Variants in ITGA8 observed in about 807,000 individuals in gnomAD.
ITGA8 encodes the protein integrin alpha-8.
In ITGA8, 91 loss-of-function variants were observed where a neutral mutation model predicts 142.3. That is an observed-to-expected ratio of 0.64 (90% CI 0.54 to 0.76). The LOEUF is 0.76. Ranked by LOEUF, ITGA8 falls within the 30% of genes least tolerant of loss-of-function variation. The pLI is 0.00. For missense variants in ITGA8, 1,406 were observed against 1,327.7 expected, an observed-to-expected ratio of 1.06 and a Z score of -0.92; for synonymous variants, 505 against 485.2, an observed-to-expected ratio of 1.04 and a Z score of -0.54.
chr10:15,709,051 TAAC>T (rs1474563789), intron 2 of ITGA8, among the ~76,000 whole-genome samples: 3 of 152,220 alleles, frequency 2.0e-5, no homozygotes, highest in Non-Finnish European at 4.4e-5. Context: ...TAATGAATGT[TAAC>T]AAAGGCCCCA....
In ITGA8 at chr10:15,671,592, G is replaced by T; in HGVS notation, c.847+11C>A. 1 of 1,608,168 alleles carries T rather than the reference G, an allele frequency of 6.2e-7. No homozygotes were observed. Among genetic ancestry groups the T allele is most frequent in the Non-Finnish European group, 8.5e-7 (1 of 1,174,806 alleles). On this transcript the variant is annotated intron_variant, in intron 8 of 29. Coordinates refer to ENST00000378076, the MANE Select transcript of ITGA8 (RefSeq NM_003638.3). ...CTTTATAAGTGATTTAAACTCAACA[G>T]TGCCTCTCACCTTGCTGAGAATCCC...
At chr10:15,624,252 T>C (rs536636681) in intron 13 of ITGA8, among the ~76,000 whole-genome samples, 31 of 152,278 alleles carry the variant, frequency 2.0e-4, no homozygotes, top group Non-Finnish European at 4.0e-4. Flanking sequence ...AGGTGCAAAA[T>C]TACCAAGTGG....
chr10:15,558,367 C>G (rs1226034148), intron 25 of ITGA8, among the ~76,000 whole-genome samples, 165 bp from the exon 26 acceptor site: 2 of 152,170 alleles, frequency 1.3e-5, no homozygotes, highest in Non-Finnish European at 1.5e-5. Flanking sequence ...ACATGACCTG[C>G]ACGCACAAGG....
At chr10:15,603,734 A>C (rs1382635056) in intron 20 of ITGA8, among the ~76,000 whole-genome samples, 1 of 152,204 alleles carries the variant, frequency 6.6e-6, no homozygotes, top group Non-Finnish European at 1.5e-5. Context: ...AAGAAAGGGA[A>C]AGGACCTTGT....
Position 15,718,866 on chromosome 10 carries a change from G to T in ITGA8, c.243C>A (p.Asn81Lys). The T allele has an allele frequency of 1.2e-6, 2 of 1,614,118 alleles. No individual in the cohort carries two copies. Among genetic ancestry groups the T allele is most frequent in the Non-Finnish European group, 1.7e-6 (2 of 1,180,020 alleles). ...ASVLVGAPKA[N>K]TSQPDIVEGG... Reference sequence around the variant, plus strand: ...CTTCCACGATATCGGGCTGGCTGGTGTTGGCTTTGGGCGCCCCCACCAAGA... The same window carrying T: ...CTTCCACGATATCGGGCTGGCTGGTTTTGGCTTTGGGCGCCCCCACCAAGA... Residue 81 changes from asparagine to lysine, a missense_variant, in exon 2 of 30, where the codon AAC (asparagine) becomes AAA (lysine). Asn to Lys is a moderately conservative substitution (Grantham distance 94). Coordinates refer to ENST00000378076, the MANE Select transcript of ITGA8 (RefSeq NM_003638.3).
At chr10:15,569,573 AAAT>A (rs1834142434) in intron 25 of ITGA8, among the ~76,000 whole-genome samples, 1 of 152,144 alleles carries the variant, frequency 6.6e-6, no homozygotes, top group African/African-American at 2.4e-5. Context: ...TTCTTACTAA[AAAT>A]AAAACTAACT....
intron 21 of ITGA8, 21 bp downstream of exon 21, chr10:15,597,186 G>C: frequency 6.4e-7 from 1 of 1,571,754 alleles, no homozygotes; most frequent in Admixed American, 1.7e-5. Flanking sequence ...AAATCAGTCA[G>C]TATTTCTGGT....
chr10:15,693,614 T>C (rs1236092908), intron 2 of ITGA8, among the ~76,000 whole-genome samples: 1 of 152,222 alleles, frequency 6.6e-6, no homozygotes, highest in African/African-American at 2.4e-5. Flanking sequence ...TATTTATGTC[T>C]AGGAAGCTTG....
At chr10:15,613,577 C>A (rs752420519) in intron 15 of ITGA8, 83 bp downstream of exon 15, 1 of 999,822 alleles carries the variant, frequency 1.0e-6, no homozygotes, top group Non-Finnish European at 1.6e-6. Flanking sequence ...CCCAGACTTA[C>A]TGAATCCAAA....
rs772683212 is a variant in ITGA8 at position 15,616,502 on chromosome 10, C to T, written c.1445+12G>A. On this transcript the variant is annotated intron_variant, in intron 14 of 29. Transcript: ENST00000378076. ...CAATGAGAAAAACATTTGAATACTA[C>T]CAACCACATACCTGTAAACAGCGAC... The T allele has an allele frequency of 1.9e-6, 3 of 1,598,102 alleles. No individual in the cohort carries two copies. Among genetic ancestry groups the T allele is most frequent in the South Asian group, 1.1e-5 (1 of 90,772 alleles).
chr10:15,542,912 T>A (rs916817337), intron 27 of ITGA8, among the ~76,000 whole-genome samples: 4 of 152,174 alleles, frequency 2.6e-5, no homozygotes, highest in Non-Finnish European at 5.9e-5. Flanking sequence ...CAGACAAACA[T>A]CCCTCTTTGG....
chr10:15,661,396 G>C (rs1834285029), intron 8 of ITGA8, among the ~76,000 whole-genome samples: 1 of 152,178 alleles, frequency 6.6e-6, no homozygotes, highest in Non-Finnish European at 1.5e-5. Context: ...TACCAAAACG[G>C]TTGCGGATTG....
chr10:15,631,797 C>G (rs1003470385), intron 13 of ITGA8, among the ~76,000 whole-genome samples: 1 of 150,634 alleles, frequency 6.6e-6, no homozygotes, highest in Non-Finnish European at 1.5e-5. Context: ...CCACCCCCCC[C>G]AAAAAAAGCC....
chr10:15,612,323 A>G (rs577662127), intron 15 of ITGA8, among the ~76,000 whole-genome samples: 16 of 152,296 alleles, frequency 1.1e-4, no homozygotes, highest in Middle Eastern at 3.4e-3. Context: ...GGCCATCAAC[A>G]ACATGTTAAA....
intron 8 of ITGA8, among the ~76,000 whole-genome samples, chr10:15,664,274 C>T (rs765287412): frequency 6.6e-6 from 1 of 152,096 alleles, no homozygotes; most frequent in African/African-American, 2.4e-5. Context: ...GACTCTTAAG[C>T]GTTACAATAT....
intron 25 of ITGA8, among the ~76,000 whole-genome samples, chr10:15,561,403 C>T (rs192035846): frequency 7.9e-4 from 120 of 151,560 alleles, no homozygotes; most frequent in African/African-American, 2.8e-3. Context: ...TAGCATTTAG[C>T]GTTCTTAACA....
intron 28 of ITGA8, among the ~76,000 whole-genome samples, chr10:15,522,552 T>C (rs1833090648): frequency 6.6e-6 from 1 of 152,184 alleles, no homozygotes; most frequent in Non-Finnish European, 1.5e-5. Flanking sequence ...CATGGAAAAT[T>C]CCGAGGTTTC....
intron 23 of ITGA8, among the ~76,000 whole-genome samples, chr10:15,584,457 G>A: frequency 6.6e-6 from 1 of 152,210 alleles, no homozygotes; most frequent in East Asian, 1.9e-4. Flanking sequence ...ACCATTTCTT[G>A]TCCACCAGAC....
chr10:15,580,903 T>G (rs1834395820), intron 23 of ITGA8, among the ~76,000 whole-genome samples: 1 of 152,190 alleles, frequency 6.6e-6, no homozygotes, highest in Admixed American at 6.5e-5. Context: ...CTATTGATCA[T>G]GCACTGGTGG....
Sources: gnomAD v4.1 joint callset for allele counts (sites outside exome capture counted in the v4.1 genomes callset) on GRCh38, gnomAD v4.1.1 for gene constraint, MANE v1.5 for transcripts, NCBI Gene and HGNC (gene_info 2026-07-23, HGNC 2026-07-21) for gene names.